SEZ6L: variants seen among roughly 807,000 people sequenced by gnomAD.
The protein encoded by SEZ6L is seizure 6-like protein.
Under a neutral mutation model 106.2 loss-of-function variants are expected in SEZ6L, and 37 were observed. The ratio of observed to expected loss-of-function variants is 0.35; its 90% CI spans 0.27 to 0.46. SEZ6L has a LOEUF of 0.46. SEZ6L is among the 20% of genes least tolerant of loss of function. The probability of loss-of-function intolerance (pLI) is 1.00; values close to 1 mark genes in which losing one functional copy is unlikely to be tolerated. For synonymous variants in SEZ6L, 541 were observed against 570.4 expected (o/e 0.95, Z 0.73); for missense variants, 1,172 against 1,332.8 (o/e 0.88, Z 1.88).
chr22:26,283,161 C>T (rs1176041972), intron 1 of SEZ6L, among the ~76,000 whole-genome samples: 1 of 152,098 alleles, frequency 6.6e-6, no homozygotes, highest in Non-Finnish European at 1.5e-5. Context: ...ACCTCATGAT[C>T]TACCCACCTC....
intron 4 of SEZ6L, 122 bp downstream of exon 4, chr22:26,297,202 C>G: frequency 3.1e-6 from 2 of 640,634 alleles, no homozygotes; most frequent in Non-Finnish European, 5.0e-6. Context: ...CTACAAACCC[C>G]TTCTCAGAAT....
chr22:26,316,486 G>A (rs1225282293), intron 9 of SEZ6L, among the ~76,000 whole-genome samples: 2 of 152,146 alleles, frequency 1.3e-5, no homozygotes, highest in East Asian at 3.9e-4. Context: ...CCAGGAGGAA[G>A]TAGCTTCTAT....
intron 1 of SEZ6L, among the ~76,000 whole-genome samples, chr22:26,192,574 A>G (rs574657716): frequency 1.3e-5 from 2 of 152,378 alleles, no homozygotes; most frequent in African/African-American, 2.4e-5. Context: ...TGAGGTTGAT[A>G]TAACGGTATG....
At position 26,361,520 on chromosome 22, in the gene SEZ6L, A is replaced by AAT. The variant is rs71734405; in HGVS notation, c.2600-3835_2600-3834dup. 9.6e-4 allele frequency among the ~76,000 whole-genome samples: 119 copies of AAT among 124,210 alleles called. 1 individual carries two copies. The highest frequency in any genetic ancestry group is 1.1e-3 in the Admixed American group (13 of 11,902). 81.5% of individuals were successfully genotyped at this position (124,210 alleles called of 152,430 possible). ...AGACTCTGTCTCAAAAAAAAAAAAAAATATATATATATATATATGTATTAA... is the reference window on the plus strand; with the variant it reads ...AGACTCTGTCTCAAAAAAAAAAAAAAATATATATATATATATATATGTATTAA... On this transcript the variant is annotated intron_variant, in intron 12 of 16. Transcript: ENST00000248933.
At position 26,200,262 on chromosome 22, in the gene SEZ6L, G is replaced by A. The variant is rs542813991; in HGVS notation, c.94+30499G>A. Among the ~76,000 whole-genome samples the A allele has an allele frequency of 3.3e-5, 5 of 152,260 alleles. No individual in the cohort carries two copies. In the East Asian group the frequency reaches 9.6e-4, roughly 29 times the overall value. ...TATGTTTGTGTGCGTGTATGTGTTT[G>A]CATGTATGTGTATGTGTGTGTATGC... On this transcript the variant is annotated intron_variant, in intron 1 of 16. Coordinates refer to ENST00000248933, the MANE Select transcript of SEZ6L (RefSeq NM_021115.5).
At position 26,292,886 on chromosome 22, in the gene SEZ6L, C is replaced by G. The variant is rs138721720; in HGVS notation, c.575C>G (p.Ala192Gly). The change falls in exon 2 of 17, where the codon GCG (alanine) becomes GGG (glycine). Residue 192 changes from alanine (A) to glycine (G), a missense_variant. Ala to Gly is a moderately conservative substitution (Grantham distance 60). Around this residue, in one of 4 missense-constraint regions of SEZ6L, gnomAD observed 494 missense variants for 445.8 expected, o/e 1.11. Transcript: ENST00000248933. ...VPLWLDRKES[A>G]VPTTPAPLQI... ...CTTTGGCTGGACCGAAAGGAGAGTGCGGTCCCTACAACACCCGCACCCCTG... is the reference window on the plus strand; with the variant it reads ...CTTTGGCTGGACCGAAAGGAGAGTGGGGTCCCTACAACACCCGCACCCCTG... 6.7e-4 allele frequency: 1,077 copies of G among 1,614,034 alleles called. 9 individuals are homozygous for G. Among genetic ancestry groups the G allele is most frequent in the Non-Finnish European group, 1.4e-4 (165 of 1,180,008 alleles).
chr22:26,192,474 T>C (rs145445320), intron 1 of SEZ6L, among the ~76,000 whole-genome samples: 1 of 152,354 alleles, frequency 6.6e-6, no homozygotes, highest in African/African-American at 2.4e-5. Flanking sequence ...TCATCAAGCA[T>C]ACTCAGGAAT....
At chr22:26,186,639 G>C (rs577214878) in intron 1 of SEZ6L, among the ~76,000 whole-genome samples, 1 of 152,170 alleles carries the variant, frequency 6.6e-6, no homozygotes, top group Non-Finnish European at 1.5e-5. Context: ...TGAGGGACCT[G>C]ATCAGATATG....
intron 1 of SEZ6L, chr22:26,254,224 T>A (rs1847690574): frequency 6.6e-6 from 1 of 152,238 alleles, no homozygotes; most frequent in East Asian, 1.9e-4. Context: ...AAACTGTTCA[T>A]GCCCTTTGAC....
At position 26,311,954 on chromosome 22, in the gene SEZ6L, T is replaced by C; in HGVS notation, c.1868T>C (p.Leu623Pro). The C allele has an allele frequency of 6.2e-7, 1 of 1,613,788 alleles. No individual in the cohort carries two copies. The highest frequency in any genetic ancestry group is 8.5e-7 in the Non-Finnish European group (1 of 1,179,834). ...RDPYWNDTEP[L>P]CRAMCGGELS... ...CCATACTGGAATGACACAGAGCCCC[T>C]GTGCAGAGGTGAGCGGATCCACAAC... The change falls in exon 8 of 17, where the codon CTG becomes CCG. Residue 623 changes from leucine to proline, a missense_variant. By Grantham distance (98) the Leu-to-Pro change is moderately conservative. Around this residue, in one of 4 missense-constraint regions of SEZ6L, gnomAD observed 534 missense variants for 691.0 expected, o/e 0.77. Transcript: ENST00000248933.
At chr22:26,292,035 GGATGGATGGA>G (rs2081133150) in intron 1 of SEZ6L, among the ~76,000 whole-genome samples, 2 of 38,436 alleles carry the variant, frequency 5.2e-5, no homozygotes, top group African/African-American at 4.2e-4. Flanking sequence ...AAGGAAGGAA[GGATGGATGGA>G]AGGAAAGAAG....
At position 26,310,771 on chromosome 22, in the gene SEZ6L, C is replaced by T. The variant is rs1601460235; in HGVS notation, c.1616C>T (p.Thr539Ile). The T allele has an allele frequency of 6.2e-7, 1 of 1,614,146 alleles. No homozygotes were observed. Among genetic ancestry groups the T allele is most frequent in the Non-Finnish European group, 8.5e-7 (1 of 1,180,028 alleles). Residue 539 changes from threonine (T) to isoleucine (I), a missense_variant, in exon 7 of 17, where the codon ACC becomes ATC. This residue lies in a region of SEZ6L where 534 missense variants were observed against 691.0 expected (regional missense o/e 0.77). Transcript: ENST00000248933. ...GAGGGCCTGCTGAGCGAAGGCAACACCATCCGCATCGAGTTCACGTCCGAC... is the reference window on the plus strand; with the variant it reads ...GAGGGCCTGCTGAGCGAAGGCAACATCATCCGCATCGAGTTCACGTCCGAC... ...PFEGLLSEGN[T>I]IRIEFTSDQA...
At chr22:26,366,376 C>T (rs1374963437) in intron 13 of SEZ6L, among the ~76,000 whole-genome samples, 1 of 151,518 alleles carries the variant, frequency 6.6e-6, no homozygotes, top group Non-Finnish European at 1.5e-5. Context: ...TATCATATAT[C>T]ACAATTATGA....
At chr22:26,205,017 T>A (rs1941203593) in intron 1 of SEZ6L, among the ~76,000 whole-genome samples, 2 of 152,250 alleles carry the variant, frequency 1.3e-5, no homozygotes, top group South Asian at 2.1e-4. Flanking sequence ...AATCAAGAGA[T>A]AACTGAACCA....
In SEZ6L at chr22:26,264,903, T is replaced by C. The variant is rs6004981; in HGVS notation, c.95-27503T>C. On this transcript the variant is annotated intron_variant, in intron 1 of 16. Coordinates refer to ENST00000248933, the MANE Select transcript of SEZ6L (RefSeq NM_021115.5). Reference sequence around the variant, plus strand: ...GCAAGTGCTTAGCAAGCAGCAAATATGAGTTTATTTCCTCCCTTCCTTGTA... The same window carrying C: ...GCAAGTGCTTAGCAAGCAGCAAATACGAGTTTATTTCCTCCCTTCCTTGTA... Among the ~76,000 whole-genome samples, 45 of 152,322 alleles carry C rather than the reference T, an allele frequency of 3.0e-4. 2 individuals carry two copies. Among genetic ancestry groups the C allele is most frequent in the African/African-American group, 9.9e-4 (41 of 41,574 alleles).
intron 1 of SEZ6L, among the ~76,000 whole-genome samples, chr22:26,277,181 C>G (rs1406158745): frequency 6.6e-6 from 1 of 151,602 alleles, no homozygotes; most frequent in Non-Finnish European, 1.5e-5. Flanking sequence ...TCACTGCAGC[C>G]TCTATCTCCT....
At chr22:26,227,722 G>T (rs1201409275) in intron 1 of SEZ6L, among the ~76,000 whole-genome samples, 4 of 151,652 alleles carry the variant, frequency 2.6e-5, no homozygotes, top group African/African-American at 7.3e-5. Flanking sequence ...CCCACCCTTT[G>T]TTCGTAGTAC....
intron 1 of SEZ6L, among the ~76,000 whole-genome samples, chr22:26,179,642 A>G (rs1033917107): frequency 2.0e-5 from 3 of 152,240 alleles, no homozygotes; most frequent in Admixed American, 6.5e-5. Flanking sequence ...AGACTCATTC[A>G]GGATAGCTGA....
At chr22:26,348,646 A>AAGAAAGAAAGAAAAAGAAAG (rs1556371589) in intron 11 of SEZ6L, among the ~76,000 whole-genome samples, 2 of 7,694 alleles carry the variant, frequency 2.6e-4, no homozygotes, top group African/African-American at 1.6e-3. Flanking sequence ...GAAAGAAAGA[A>AAGAAAGAAAGAAAAAGAAAG]AAAGAAAGAA....
Sources: gnomAD v4.1 joint callset for allele counts (sites outside exome capture counted in the v4.1 genomes callset) on GRCh38, gnomAD v4.1.1 for gene constraint, gnomAD v4.1.1 regional missense constraint, MANE v1.5 for transcripts, NCBI Gene and HGNC (gene_info 2026-07-23, HGNC 2026-07-21) for gene names.